HAPLN1: variants seen among roughly 807,000 people sequenced by gnomAD.
HAPLN1 encodes hyaluronan and proteoglycan link protein 1.
HAPLN1 carries 13 observed loss-of-function variants against 36.5 expected under a neutral mutation model. The observed-to-expected ratio is 0.36, with a 90% CI of 0.23 to 0.57. The LOEUF is 0.57. Among genes scored for constraint, HAPLN1 ranks in the 20% least tolerant of loss-of-function variants. The pLI, the probability that HAPLN1 is intolerant of heterozygous loss-of-function variation, is 0.83. For missense variants in HAPLN1, 407 were observed against 439.7 expected (o/e 0.93, Z 0.66); for synonymous variants, 202 against 169.8 (o/e 1.19, Z -1.48).
At chr5:83,697,706 T>C (rs1456181433) in intron 1 of HAPLN1, among the ~76,000 whole-genome samples, 1 of 152,142 alleles carries the variant, frequency 6.6e-6, no homozygotes, top group Non-Finnish European at 1.5e-5. Flanking sequence ...CTTATTATTG[T>C]ATGCCTTTTT....
chr5:83,697,709 G>C (rs182342052), intron 1 of HAPLN1, among the ~76,000 whole-genome samples: 1 of 152,146 alleles, frequency 6.6e-6, no homozygotes, highest in Non-Finnish European at 1.5e-5. Flanking sequence ...ATTATTGTAT[G>C]CCTTTTTCAT....
At chr5:83,701,928 AC>A (rs1751517752) in intron 1 of HAPLN1, among the ~76,000 whole-genome samples, 4 of 27,832 alleles carry the variant, frequency 1.4e-4, no homozygotes, top group East Asian at 1.3e-3. Flanking sequence ...TTCGACAAAA[AC>A]ACACACACAC....
chr5:83,663,709 A>G (rs1431859112), intron 2 of HAPLN1, among the ~76,000 whole-genome samples: 1 of 151,558 alleles, frequency 6.6e-6, no homozygotes, highest in Non-Finnish European at 1.5e-5. Flanking sequence ...CCTTCGGTTC[A>G]TGCCAGACTC....
At chr5:83,715,843 C>A (rs1195472541) in intron 1 of HAPLN1, among the ~76,000 whole-genome samples, 1 of 152,082 alleles carries the variant, frequency 6.6e-6, no homozygotes, top group African/African-American at 2.4e-5. Flanking sequence ...TTCTTAATAC[C>A]AAAACTATGA....
At chr5:83,670,949 T>C (rs2925686) in intron 2 of HAPLN1, among the ~76,000 whole-genome samples, 53,017 of 151,624 alleles carry the variant, frequency 0.35, 9,376 homozygotes, top group East Asian at 0.53. Flanking sequence ...CGCCTCGGCC[T>C]CCCAAAGTGC....
At chr5:83,690,319 C>T (rs10076764) in intron 1 of HAPLN1, among the ~76,000 whole-genome samples, 42,835 of 151,872 alleles carry the variant, frequency 0.28, 6,599 homozygotes, top group East Asian at 0.41. Context: ...ATGAGCCACC[C>T]AAGGCGATCA....
In HAPLN1 at chr5:83,663,627, T is replaced by G. The variant is rs888765413; in HGVS notation, c.100+9797A>C. On this transcript the variant is annotated intron_variant, in intron 2 of 4. Transcript: ENST00000274341. ...TATATTGAATGACAAATAACTAACT[T>G]GAGTCCCTCCTCCCTCGCCCAAATC... 2.0e-5 allele frequency among the ~76,000 whole-genome samples: 3 copies of G among 152,238 alleles called. No individual in the cohort carries two copies. The East Asian group carries it at 5.8e-4, about 29-fold the overall frequency.
chr5:83,643,998 G>T (rs1187526610), intron 4 of HAPLN1, among the ~76,000 whole-genome samples: 2 of 152,146 alleles, frequency 1.3e-5, no homozygotes, highest in African/African-American at 4.8e-5. Context: ...GGAGAGCATG[G>T]GTAATAATGA....
intron 2 of HAPLN1, among the ~76,000 whole-genome samples, chr5:83,657,044 T>C (rs1455267356): frequency 2.0e-5 from 3 of 151,756 alleles, no homozygotes; most frequent in Non-Finnish European, 2.9e-5. Context: ...ATCTAGGTGA[T>C]AGAAAAAAGG....
chr5:83,641,811 A>G, intron 4 of HAPLN1, 26 bp from the exon 5 acceptor site: 2 of 1,603,772 alleles, frequency 1.2e-6, no homozygotes, highest in South Asian at 2.2e-5. Flanking sequence ...GACAGAGTCA[A>G]TGGGCTGGTC....
intron 3 of HAPLN1, among the ~76,000 whole-genome samples, chr5:83,650,820 G>A (rs1750038315): frequency 6.6e-6 from 1 of 151,610 alleles, no homozygotes; most frequent in Non-Finnish European, 1.5e-5. Context: ...ATTTTTAGTA[G>A]AGACGGGGTT....
At chr5:83,652,258 A>C (rs1055761167) in intron 3 of HAPLN1, 195 bp downstream of exon 3, 2 of 509,828 alleles carry the variant, frequency 3.9e-6, no homozygotes, top group Non-Finnish European at 6.8e-6. Context: ...TTTTGCACAT[A>C]AGCATTGTGT....
intron 2 of HAPLN1, among the ~76,000 whole-genome samples, chr5:83,659,552 G>A (rs1267487891): frequency 1.2e-4 from 18 of 152,084 alleles, no homozygotes; most frequent in Non-Finnish European, 5.9e-5. Context: ...TTTAAACCAT[G>A]TGAATGTACC....
At chr5:83,693,293 C>T (rs1459116516) in intron 1 of HAPLN1, among the ~76,000 whole-genome samples, 2 of 151,666 alleles carry the variant, frequency 1.3e-5, no homozygotes, top group South Asian at 2.1e-4. Context: ...AAGGTATATA[C>T]TATAAAACCT....
chr5:83,647,576 C>A (rs551933041), intron 3 of HAPLN1, among the ~76,000 whole-genome samples: 2 of 152,226 alleles, frequency 1.3e-5, no homozygotes, highest in East Asian at 1.9e-4. Flanking sequence ...ATTGCAGAAA[C>A]CTTCTTGGCT....
At chr5:83,650,501 A>G (rs190602270) in intron 3 of HAPLN1, among the ~76,000 whole-genome samples, 2 of 152,316 alleles carry the variant, frequency 1.3e-5, no homozygotes, top group East Asian at 3.9e-4. Flanking sequence ...ATATGTATCA[A>G]TTAAATTGGT....
chr5:83,678,251 T>G (rs1043959048), intron 1 of HAPLN1, among the ~76,000 whole-genome samples: 3 of 89,544 alleles, frequency 3.4e-5, no homozygotes, highest in East Asian at 3.3e-4. Context: ...GTGTGTGTGT[T>G]TTAATTAAAA....
chr5:83,697,514 G>A (rs905827810), intron 1 of HAPLN1, among the ~76,000 whole-genome samples: 22 of 152,096 alleles, frequency 1.4e-4, no homozygotes, highest in African/African-American at 5.3e-4. Flanking sequence ...CCATGCACAA[G>A]TTTTTGTATG....
At chr5:83,646,584 A>G (rs1038088208) in intron 3 of HAPLN1, among the ~76,000 whole-genome samples, 4 of 152,224 alleles carry the variant, frequency 2.6e-5, no homozygotes, top group African/African-American at 7.2e-5. Flanking sequence ...GAGACCCAAG[A>G]AGGCTTCCTG....
Sources: gnomAD v4.1 joint callset for allele counts (sites outside exome capture counted in the v4.1 genomes callset) on GRCh38, gnomAD v4.1.1 for gene constraint, MANE v1.5 for transcripts, NCBI Gene and HGNC (gene_info 2026-07-23, HGNC 2026-07-21) for gene names.